Variants in INPP4B observed in about 807,000 individuals in gnomAD.
INPP4B encodes the protein inositol polyphosphate-4-phosphatase type II B, also known as inositol polyphosphate 4-phosphatase type II.
Under a neutral mutation model 122.5 loss-of-function variants are expected in INPP4B, and 55 were observed. The observed-to-expected ratio is 0.45, with a 90% confidence interval of 0.36 to 0.56. The LOEUF is 0.56. INPP4B is among the 20% of genes least tolerant of loss of function. The probability of loss-of-function intolerance (pLI) is 0.00; values close to 1 mark genes in which losing one functional copy is unlikely to be tolerated. For synonymous variants in INPP4B, 403 were observed against 388.7 expected (o/e 1.04, Z -0.43); for missense variants, 1,000 against 1,097.7 (o/e 0.91, Z 1.26).
At chr4:142,740,712 G>T (rs1023997591) in intron 1 of INPP4B, among the ~76,000 whole-genome samples, 2 of 151,976 alleles carry the variant, frequency 1.3e-5, no homozygotes, top group African/African-American at 4.8e-5. Flanking sequence ...CTTAACAGGG[G>T]TAAGTGACAA....
At chr4:142,301,605 G>A (rs1210070241) in intron 9 of INPP4B, among the ~76,000 whole-genome samples, 1 of 152,206 alleles carries the variant, frequency 6.6e-6, no homozygotes, top group East Asian at 1.9e-4. Flanking sequence ...TTGCATGCTA[G>A]CAGATGCTCA....
intron 1 of INPP4B, among the ~76,000 whole-genome samples, chr4:142,842,865 GAT>G (rs908629428): frequency 1.5e-5 from 2 of 130,724 alleles, no homozygotes; most frequent in Non-Finnish European, 1.6e-5. Flanking sequence ...TATAAATAAT[GAT>G]ATATATAAAT....
intron 2 of INPP4B, among the ~76,000 whole-genome samples, chr4:142,606,667 G>A (rs995740934): frequency 6.6e-6 from 1 of 151,988 alleles, no homozygotes; most frequent in Non-Finnish European, 1.5e-5. Flanking sequence ...GAATTTTTCA[G>A]TCTTTTCATA....
intron 11 of INPP4B, among the ~76,000 whole-genome samples, chr4:142,258,079 C>A (rs950297411): frequency 1.7e-4 from 26 of 151,572 alleles, no homozygotes; most frequent in Non-Finnish European, 3.4e-4. Context: ...CTTTGACAAA[C>A]CTGAGAAAAA....
At chr4:142,685,597 A>T (rs1759232110) in intron 2 of INPP4B, among the ~76,000 whole-genome samples, 1 of 152,018 alleles carries the variant, frequency 6.6e-6, no homozygotes, top group Admixed American at 6.6e-5. Context: ...ACTTGGTATA[A>T]ATTTAAATAG....
chr4:142,655,561 C>T (rs1372591877), intron 2 of INPP4B, among the ~76,000 whole-genome samples: 1 of 152,098 alleles, frequency 6.6e-6, no homozygotes, highest in Non-Finnish European at 1.5e-5. Context: ...TTTAAAAACC[C>T]TGCACCTTAC....
intron 11 of INPP4B, among the ~76,000 whole-genome samples, chr4:142,252,100 T>C (rs1168416705): frequency 1.3e-5 from 2 of 152,256 alleles, no homozygotes; most frequent in South Asian, 4.1e-4. Flanking sequence ...TGGATAATGA[T>C]AGTACCTTCC....
intron 2 of INPP4B, among the ~76,000 whole-genome samples, chr4:142,545,703 A>ACGTGTG (rs1829477321): frequency 3.5e-5 from 4 of 114,742 alleles, no homozygotes; most frequent in Non-Finnish European, 7.2e-5. Context: ...ATATGTGTAT[A>ACGTGTG]TATATGTGTG....
chr4:142,068,591 C>G (rs1387474526), intron 25 of INPP4B, among the ~76,000 whole-genome samples: 1 of 152,122 alleles, frequency 6.6e-6, no homozygotes, highest in Non-Finnish European at 1.5e-5. Context: ...AGACCCATCT[C>G]ACGTGCAGAG....
In INPP4B at chr4:142,305,544, A is replaced by G. The variant is rs757064049; in HGVS notation, c.424-7T>C. The G allele has an allele frequency of 6.2e-6, 10 of 1,609,128 alleles. No homozygotes were observed. In the East Asian group the frequency reaches 1.8e-4, roughly 29 times the overall value. ...CATAGCCCAAGAAACTTCGCTGAAA[A>G]TAACAGAAAGAATGGTTTCATTAAC... On this transcript the variant is annotated splice_polypyrimidine_tract_variant and splice_region_variant and intron_variant, in intron 8 of 25. Coordinates refer to ENST00000262992, the MANE Select transcript of INPP4B (RefSeq NM_001101669.3).
At chr4:142,546,286 C>A (rs961069978) in intron 2 of INPP4B, among the ~76,000 whole-genome samples, 1 of 152,128 alleles carries the variant, frequency 6.6e-6, no homozygotes, top group African/African-American at 2.4e-5. Context: ...TTTATGGCTG[C>A]ATAGTATTCC....
At chr4:142,353,279 C>T (rs77054820) in intron 7 of INPP4B, among the ~76,000 whole-genome samples, 1,523 of 152,030 alleles carry the variant, frequency 0.01, 33 homozygotes, top group African/African-American at 0.035. Context: ...TATTGCAATG[C>T]TTTCTAAGTT....
At chr4:142,315,184 A>C (rs2151324277) in intron 7 of INPP4B, among the ~76,000 whole-genome samples, 1 of 152,222 alleles carries the variant, frequency 6.6e-6, no homozygotes, top group South Asian at 2.1e-4. Context: ...ATCTGATCAC[A>C]ATATATTACA....
At chr4:142,787,991 A>G (rs1362292287) in intron 1 of INPP4B, among the ~76,000 whole-genome samples, 1 of 151,884 alleles carries the variant, frequency 6.6e-6, no homozygotes, top group Non-Finnish European at 1.5e-5. Flanking sequence ...GAAGTGGAGG[A>G]AAGCCCTGGG....
At chr4:142,633,190 G>C (rs1398722290) in intron 2 of INPP4B, among the ~76,000 whole-genome samples, 1 of 151,568 alleles carries the variant, frequency 6.6e-6, no homozygotes, top group Non-Finnish European at 1.5e-5. Flanking sequence ...TAATTCACTA[G>C]GAATATATAA....
chr4:142,384,981 G>T (rs542090556), intron 7 of INPP4B, among the ~76,000 whole-genome samples: 1 of 152,276 alleles, frequency 6.6e-6, no homozygotes, highest in South Asian at 2.1e-4. Flanking sequence ...TGATGCATAT[G>T]TACCTCATTT....
At chr4:142,514,529 G>A (rs1397549786) in intron 2 of INPP4B, 1 of 152,100 alleles carries the variant, frequency 6.6e-6, no homozygotes, top group Non-Finnish European at 1.5e-5. Flanking sequence ...ATAATTTGTA[G>A]AGCTGAAGTT....
At chr4:142,276,673 G>T (rs960287289) in intron 9 of INPP4B, among the ~76,000 whole-genome samples, 6 of 151,992 alleles carry the variant, frequency 3.9e-5, no homozygotes, top group African/African-American at 1.4e-4. Flanking sequence ...ATGGAAATGA[G>T]TAGTATCATT....
intron 2 of INPP4B, among the ~76,000 whole-genome samples, chr4:142,580,295 T>G (rs1415778944): frequency 1.3e-5 from 2 of 151,986 alleles, no homozygotes; most frequent in East Asian, 3.9e-4. Context: ...TTATTGCATT[T>G]GTAGATTACA....
Sources: allele counts gnomAD v4.1 joint callset (sites outside exome capture counted in the v4.1 genomes callset), GRCh38; gene constraint gnomAD v4.1.1; transcripts MANE v1.5; gene names NCBI Gene and HGNC (gene_info 2026-07-23, HGNC 2026-07-21).